Variants in PODXL observed in about 807,000 individuals in gnomAD.
The protein encoded by PODXL is podocalyxin like, also known as podocalyxin.
Under a neutral mutation model 48.9 loss-of-function variants are expected in PODXL, and 20 were observed. That is an observed-to-expected ratio of 0.41 (90% CI 0.29 to 0.59). The LOEUF is 0.59. Among genes scored for constraint, PODXL ranks in the 20% least tolerant of loss-of-function variants. The pLI, the probability that PODXL is intolerant of heterozygous loss-of-function variation, is 0.31. For synonymous variants in PODXL, 295 were observed against 287.4 expected, an observed-to-expected ratio of 1.03 and a Z score of -0.27; for missense variants, 606 against 675.1, an observed-to-expected ratio of 0.90 and a Z score of 1.13.
At chr7:131,555,850 A>G (rs1390635867) in intron 1 of PODXL, among the ~76,000 whole-genome samples, 1 of 152,220 alleles carries the variant, frequency 6.6e-6, no homozygotes, top group Non-Finnish European at 1.5e-5. Flanking sequence ...TTTGCCTGGA[A>G]TTAACGAATA....
At position 131,504,387 on chromosome 7, in the gene PODXL, A is replaced by G; in HGVS notation, c.1601T>C (p.Leu534Pro). Residue 534 changes from leucine to proline, a missense_variant, in exon 9 of 9, where the codon CTG becomes CCG. Leu to Pro is a moderately conservative substitution (Grantham distance 98, BLOSUM62 -3). Coordinates refer to ENST00000378555, the MANE Select transcript of PODXL (RefSeq NM_001018111.3). Reference protein sequence around the residue: ...EKKVVSLNGELGDSWIVPLDN... With the variant: ...EKKVVSLNGEPGDSWIVPLDN... ...CAGAGGGACGATCCAGCTGTCCCCCAGCTCCCCGTTGAGGCTGACCACCTT... is the reference window on the plus strand; with the variant it reads ...CAGAGGGACGATCCAGCTGTCCCCCGGCTCCCCGTTGAGGCTGACCACCTT... The G allele has an allele frequency of 6.2e-7, 1 of 1,614,110 alleles. No individual in the cohort carries two copies. The highest frequency in any genetic ancestry group is 2.2e-5 in the East Asian group (1 of 44,870).
In PODXL at chr7:131,504,296, C is replaced by T. The variant is rs1466248484; in HGVS notation, c.*15G>A. On this transcript the variant is annotated 3_prime_UTR_variant, in exon 9 of 9. Coordinates refer to ENST00000378555, the MANE Select transcript of PODXL (RefSeq NM_001018111.3). ...GGAGCTCTGTGGTGCTGCTGGAGGC[C>T]ACCGGCAGACCGGACTAGAGGTGTG... 2 of 1,612,146 alleles carry T rather than the reference C, an allele frequency of 1.2e-6. No individual in the cohort carries two copies. The highest frequency in any genetic ancestry group is 1.3e-5 in the African/African-American group (1 of 74,892).
rs1376706840 is a variant in PODXL, at chr7:131,523,856, T to G, written c.101-12423A>C. On this transcript the variant is annotated intron_variant, in intron 1 of 8. Coordinates refer to ENST00000378555, the MANE Select transcript of PODXL (RefSeq NM_001018111.3). ...CTCTGTTGCCCAGGCTGGAGTACAG[T>G]GGTGCAATCTCGGCTCACCTCAACC... is the stretch of plus-strand genomic sequence containing the variant. 2.0e-5 allele frequency among the ~76,000 whole-genome samples: 3 copies of G among 150,318 alleles called. No individual in the cohort carries two copies. In the East Asian group the frequency reaches 6.0e-4, roughly 30 times the overall value.
At chr7:131,532,431 GTC>G (rs1225347760) in intron 1 of PODXL, among the ~76,000 whole-genome samples, 1 of 143,272 alleles carries the variant, frequency 7.0e-6, no homozygotes, top group Non-Finnish European at 1.5e-5. Flanking sequence ...GCAAGACTCC[GTC>G]TCAAAAAAAA....
chr7:131,515,601 C>T (rs2116801557), intron 1 of PODXL, among the ~76,000 whole-genome samples: 1 of 152,262 alleles, frequency 6.6e-6, no homozygotes, highest in East Asian at 1.9e-4. Flanking sequence ...TGGGGTTTCA[C>T]CATGTTAGCC....
intron 1 of PODXL, among the ~76,000 whole-genome samples, chr7:131,547,104 G>A (rs1482756635): frequency 6.6e-6 from 1 of 152,184 alleles, no homozygotes; most frequent in African/African-American, 2.4e-5. Context: ...CCAGGTGCGG[G>A]TGGCTCACAT....
chr7:131,553,590 C>T (rs961730452), intron 1 of PODXL, among the ~76,000 whole-genome samples: 1 of 152,202 alleles, frequency 6.6e-6, no homozygotes, highest in South Asian at 2.1e-4. Context: ...GCTGTTATTA[C>T]TTTATAGATG....
At position 131,546,717 on chromosome 7, in the gene PODXL, C is replaced by A. The variant is rs547258325; in HGVS notation, c.100+9543G>T. On this transcript the variant is annotated intron_variant, in intron 1 of 8. Transcript: ENST00000378555. Reference sequence around the variant, plus strand: ...CTCCAGCCTGGGCAACACAGTGAGGCCCTGTCTCAAAAAAAAAAAAAAAAA... The same window carrying A: ...CTCCAGCCTGGGCAACACAGTGAGGACCTGTCTCAAAAAAAAAAAAAAAAA... Among the ~76,000 whole-genome samples, 144 of 110,582 alleles carry A rather than the reference C, an allele frequency of 1.3e-3. 1 individual carries two copies. The highest frequency in any genetic ancestry group is 4.7e-3 in the African/African-American group (141 of 29,838). The allele number at this position is 110,582 out of a possible 152,430, so 72.5% of individuals were successfully genotyped here.
At chr7:131,508,922 C>T (rs202016702) in intron 5 of PODXL, 29 bp downstream of exon 5, 4 of 1,521,534 alleles carry the variant, frequency 2.6e-6, no homozygotes, top group Non-Finnish European at 3.6e-6. Flanking sequence ...GAGCCTGCAC[C>T]TGGCGGCTCA....
rs2116768057 is a variant in PODXL, at chr7:131,502,309, C to T, written c.*2002G>A. ...CCCCCAAACAGGCACTGTTCTCCATCCTGCCCACCTCCAAACACTAGAGCA... is the reference window on the plus strand; with the variant it reads ...CCCCCAAACAGGCACTGTTCTCCATTCTGCCCACCTCCAAACACTAGAGCA... On this transcript the variant is annotated 3_prime_UTR_variant, in exon 9 of 9. Coordinates refer to ENST00000378555, the MANE Select transcript of PODXL (RefSeq NM_001018111.3). The T allele has an allele frequency of 6.6e-6, 1 of 152,322 alleles. No homozygotes were observed. The highest frequency in any genetic ancestry group is 2.1e-4 in the South Asian group (1 of 4,830). The allele number at this position is 152,322 out of a possible 1,614,324, so 9.4% of individuals were successfully genotyped here.
intron 1 of PODXL, among the ~76,000 whole-genome samples, chr7:131,550,101 C>T (rs1014836500): frequency 1.1e-4 from 17 of 152,240 alleles, no homozygotes; most frequent in Non-Finnish European, 1.9e-4. Context: ...CCAATTATCC[C>T]GCAAACATTT....
chr7:131,525,655 C>T (rs984413489), intron 1 of PODXL, among the ~76,000 whole-genome samples: 1 of 150,650 alleles, frequency 6.6e-6, no homozygotes, highest in Non-Finnish European at 1.5e-5. Flanking sequence ...GGGTGGAGAA[C>T]AAGAGTTGAC....
intron 1 of PODXL, among the ~76,000 whole-genome samples, chr7:131,549,253 T>C (rs1030455039): frequency 6.6e-6 from 1 of 152,138 alleles, no homozygotes; most frequent in Admixed American, 6.6e-5. Flanking sequence ...GTGAACCACG[T>C]ACATATTGGG....
At chr7:131,540,576 C>T (rs1175362688) in intron 1 of PODXL, among the ~76,000 whole-genome samples, 2 of 152,168 alleles carry the variant, frequency 1.3e-5, no homozygotes, top group African/African-American at 4.8e-5. Flanking sequence ...CAACCTGTCC[C>T]CAGGCACACA....
At chr7:131,509,231 G>T in intron 4 of PODXL, 134 bp downstream of exon 4, 1 of 826,980 alleles carries the variant, frequency 1.2e-6, no homozygotes. Context: ...GGAGAGGGAG[G>T]AGGGAATGGG....
intron 1 of PODXL, among the ~76,000 whole-genome samples, chr7:131,554,262 A>G (rs1798710415): frequency 6.6e-6 from 1 of 152,116 alleles, no homozygotes; most frequent in African/African-American, 2.4e-5. Context: ...TTGCCGCAAC[A>G]TGCCCCCCAC....
At chr7:131,545,106 C>T (rs373462043) in intron 1 of PODXL, among the ~76,000 whole-genome samples, 12 of 152,168 alleles carry the variant, frequency 7.9e-5, no homozygotes, top group Non-Finnish European at 8.8e-5. Flanking sequence ...CACAGGCAAC[C>T]GGCAAACAAT....
Position 131,503,239 on chromosome 7 carries a change from G to A in PODXL, c.*1072C>T, listed in dbSNP as rs1319261717. On this transcript the variant is annotated 3_prime_UTR_variant, in exon 9 of 9. Coordinates refer to ENST00000378555, the MANE Select transcript of PODXL (RefSeq NM_001018111.3). ...AATGGATTGTCTCTGAAGACACATCGCTGATGGGGGGCCCCGGGAAGGCCT... is the reference window on the plus strand; with the variant it reads ...AATGGATTGTCTCTGAAGACACATCACTGATGGGGGGCCCCGGGAAGGCCT... 6.6e-6 allele frequency: 1 copy of A among 152,668 alleles called. No homozygotes were observed. The highest frequency in any genetic ancestry group is 1.5e-5 in the Non-Finnish European group (1 of 68,078). The allele number at this position is 152,668 out of a possible 1,614,324, so 9.5% of individuals were successfully genotyped here.
intron 1 of PODXL, among the ~76,000 whole-genome samples, chr7:131,552,684 G>A (rs1798686837): frequency 6.6e-6 from 1 of 152,064 alleles, no homozygotes; most frequent in Non-Finnish European, 1.5e-5. Context: ...CCCTTGAATG[G>A]CTGGGCTCCT....
Sources: allele counts gnomAD v4.1 joint callset (sites outside exome capture counted in the v4.1 genomes callset), GRCh38; gene constraint gnomAD v4.1.1; transcripts MANE v1.5; gene names NCBI Gene and HGNC (gene_info 2026-07-23, HGNC 2026-07-21).